MAOB: variants seen among roughly 807,000 people sequenced by gnomAD.
The protein encoded by MAOB is amine oxidase [flavin-containing] B.
Under a neutral mutation model 41.9 loss-of-function variants are expected in MAOB, and 15 were observed. The ratio of observed to expected loss-of-function variants is 0.36; its 90% CI spans 0.24 to 0.55. The LOEUF is 0.55. Ranked by LOEUF, MAOB falls within the 20% of genes least tolerant of loss-of-function variation. The probability of loss-of-function intolerance (pLI) is 0.86; values close to 1 mark genes in which losing one functional copy is unlikely to be tolerated. For synonymous variants in MAOB, 167 were observed against 144.2 expected (o/e 1.16, Z -1.13); for missense variants, 345 against 398.7 (o/e 0.87, Z 1.15).
At chrX:43,868,855 TTGTG>T (rs113529000) in intron 1 of MAOB, among the ~76,000 whole-genome samples, 181 of 103,772 alleles carry the variant, frequency 1.7e-3, no homozygotes, top group Non-Finnish European at 2.9e-3. Context: ...ACATCAATTC[TTGTG>T]TGTGTGTGTG....
At chrX:43,805,911 G>A (rs926496529) in intron 3 of MAOB, among the ~76,000 whole-genome samples, 4 of 112,361 alleles carry the variant, frequency 3.6e-5, no homozygotes, top group African/African-American at 1.3e-4. Context: ...TAGTTGATCA[G>A]AATACTGACA....
intron 3 of MAOB, among the ~76,000 whole-genome samples, chrX:43,823,688 G>A (rs1237095953): frequency 1.8e-5 from 2 of 111,550 alleles, no homozygotes; most frequent in Non-Finnish European, 3.8e-5. Flanking sequence ...CATGGCTTCT[G>A]TTACATTTAT....
intron 3 of MAOB, among the ~76,000 whole-genome samples, chrX:43,823,735 C>T (rs1395531150): frequency 5.4e-5 from 6 of 111,406 alleles, no homozygotes; most frequent in Non-Finnish European, 1.1e-4. Context: ...ACATTGTGTT[C>T]AGTTATTTCA....
At chrX:43,809,954 A>G (rs939670453) in intron 3 of MAOB, among the ~76,000 whole-genome samples, 21 of 108,889 alleles carry the variant, frequency 1.9e-4, no homozygotes, top group African/African-American at 6.7e-4. Context: ...AGTGAAAGCT[A>G]TTGGAAGGGC....
At position 43,803,419 on chromosome X, in the gene MAOB, A is replaced by G. The variant is rs760731460; in HGVS notation, c.280-15T>C. The G allele has an allele frequency of 8.6e-7, 1 of 1,165,321 alleles. No individual in the cohort carries two copies. Among genetic ancestry groups the G allele is most frequent in the Admixed American group, 3.0e-5 (1 of 32,846 alleles). On this transcript the variant is annotated splice_polypyrimidine_tract_variant and intron_variant, in intron 3 of 14. Transcript: ENST00000378069. Reference sequence around the variant, plus strand: ...TATGATTTGCCCTGTGAGATACAAGATATTTTTAAAAGGAAATATTTACTA... The same window carrying G: ...TATGATTTGCCCTGTGAGATACAAGGTATTTTTAAAAGGAAATATTTACTA...
chrX:43,812,887 G>C (rs2034766147), intron 3 of MAOB, among the ~76,000 whole-genome samples: 1 of 111,851 alleles, frequency 8.9e-6, no homozygotes, highest in Non-Finnish European at 1.9e-5. Flanking sequence ...GGGGAAGATG[G>C]GAGTCATAGT....
At chrX:43,832,128 G>A (rs1160430414) in intron 3 of MAOB, among the ~76,000 whole-genome samples, 1 of 111,730 alleles carries the variant, frequency 9.0e-6, no homozygotes, top group Non-Finnish European at 1.9e-5. Flanking sequence ...CCAATTGTGT[G>A]TGCCTTTGTC....
intron 3 of MAOB, among the ~76,000 whole-genome samples, chrX:43,817,118 A>ATCTTCT (rs200541607): frequency 2.2e-5 from 2 of 91,328 alleles, no homozygotes; most frequent in Non-Finnish European, 4.4e-5. Context: ...CTTCATCTTC[A>ATCTTCT]TCTTCTTCTT....
chrX:43,804,483 T>C (rs2034637486), intron 3 of MAOB, among the ~76,000 whole-genome samples: 1 of 110,024 alleles, frequency 9.1e-6, no homozygotes, highest in Admixed American at 9.7e-5. Flanking sequence ...GAGAGATACA[T>C]ACATAGATAT....
chrX:43,810,479 ATT>A (rs1479715214), intron 3 of MAOB, among the ~76,000 whole-genome samples: 4 of 110,587 alleles, frequency 3.6e-5, no homozygotes, highest in Admixed American at 9.7e-5. Context: ...GTCAATAAAT[ATT>A]GTTAAGATTC....
intron 1 of MAOB, among the ~76,000 whole-genome samples, chrX:43,863,076 A>G (rs1357797893): frequency 8.9e-6 from 1 of 112,149 alleles, no homozygotes; most frequent in African/African-American, 3.2e-5. Context: ...TGGAAGAGTA[A>G]TTGGTAAAGT....
rs1393610524 is a variant in MAOB, at chrX:43,813,965, T to A, written c.280-10561A>T. ...AAGAGGAAGTGTTGGTGGTTTGAGG[T>A]TGGTTGCAATTTTAATTAAAGTGAT... On this transcript the variant is annotated intron_variant, in intron 3 of 14. Transcript: ENST00000378069. Among the ~76,000 whole-genome samples, 16 of 109,434 alleles carry A rather than the reference T, an allele frequency of 1.5e-4. No homozygotes were observed. The Admixed American group carries it at 1.6e-3, about 11-fold the overall frequency.
At chrX:43,867,775 T>G (rs746680602) in intron 1 of MAOB, among the ~76,000 whole-genome samples, 25 of 112,628 alleles carry the variant, frequency 2.2e-4, no homozygotes, top group African/African-American at 8.0e-4. Context: ...TGTTTGTTCT[T>G]CACATACAGC....
chrX:43,841,276 A>C (rs2035133835), intron 2 of MAOB, among the ~76,000 whole-genome samples: 1 of 111,753 alleles, frequency 8.9e-6, no homozygotes, highest in Non-Finnish European at 1.9e-5. Context: ...CATTAATTTT[A>C]GGCAACAGTG....
At chrX:43,825,533 G>T (rs1445349963) in intron 3 of MAOB, among the ~76,000 whole-genome samples, 1 of 110,719 alleles carries the variant, frequency 9.0e-6, no homozygotes. Flanking sequence ...CCACACTCCC[G>T]TTCTCCATAG....
chrX:43,879,044 T>G (rs748006001), intron 1 of MAOB, among the ~76,000 whole-genome samples: 1 of 111,870 alleles, frequency 8.9e-6, no homozygotes, highest in South Asian at 3.8e-4. Context: ...GTTTCCATGG[T>G]TCCACCCACC....
At chrX:43,799,438 A>T (rs758212133) in intron 5 of MAOB, among the ~76,000 whole-genome samples, 2 of 111,770 alleles carry the variant, frequency 1.8e-5, no homozygotes, top group Non-Finnish European at 3.8e-5. Flanking sequence ...AATAACTGAA[A>T]CCTAACATTG....
rs375652575 is a variant in MAOB, at chrX:43,795,933, T to C, written c.619-45A>G. The C allele has an allele frequency of 1.6e-5, 18 of 1,158,372 alleles. No homozygotes were observed. The African/African-American group carries it at 3.2e-4, about 21-fold the overall frequency. On this transcript the variant is annotated intron_variant, in intron 6 of 14. Coordinates refer to ENST00000378069, the MANE Select transcript of MAOB (RefSeq NM_000898.5). The stretch of plus-strand genomic sequence containing the variant: ...TGAAAGAGAAACGCAGGAATGGGCA[T>C]AAATTGCTAAATTCTTAGTTGTCCT...
At chrX:43,774,342 A>G (rs1198360619) in intron 12 of MAOB, among the ~76,000 whole-genome samples, 2 of 112,192 alleles carry the variant, frequency 1.8e-5, no homozygotes. Context: ...AATGCTGTGA[A>G]TGCTAAAAGC....
Sources: allele counts gnomAD v4.1 joint callset (sites outside exome capture counted in the v4.1 genomes callset), GRCh38; gene constraint gnomAD v4.1.1; transcripts MANE v1.5; gene names NCBI Gene and HGNC (gene_info 2026-07-23, HGNC 2026-07-21).